The following MUC5AC variants were observed in gnomAD, a reference collection of about 807,000 sequenced individuals.
MUC5AC encodes mucin-5AC.
MUC5AC carries 158 observed loss-of-function variants against 169.7 expected under a neutral mutation model. The observed-to-expected ratio is 0.93, with a 90% confidence interval of 0.82 to 1.06. MUC5AC has a LOEUF of 1.06. Among genes scored for constraint, MUC5AC ranks in the 50% least tolerant of loss-of-function variants. The pLI, the probability that MUC5AC is intolerant of heterozygous loss-of-function variation, is 0.00. For synonymous variants in MUC5AC, 1,975 were observed against 1,237.0 expected (o/e 1.60, Z -12.52); for missense variants, 4,359 against 3,089.9 (o/e 1.41, Z -9.74).
intron 21 of MUC5AC, 52 bp downstream of exon 21, chr11:1,176,717 G>A: frequency 2.5e-6 from 1 of 398,596 alleles, no homozygotes; most frequent in Non-Finnish European, 4.4e-6. Flanking sequence ...GGAAACCAGA[G>A]GCCCTCCTTA....
intron 15 of MUC5AC, among the ~76,000 whole-genome samples, chr11:1,170,992 TCACTCACC>T: frequency 1.8e-5 from 1 of 56,726 alleles, no homozygotes; most frequent in African/African-American, 1.1e-4. Context: ...ACTCACCTAC[TCACTCACC>T]CACTCACCCA....
At chr11:1,177,414 G>T in intron 23 of MUC5AC, 40 bp from the exon 24 acceptor site, 1 of 402,242 alleles carries the variant, frequency 2.5e-6, no homozygotes, top group East Asian at 3.5e-5. Context: ...GGTGGGCTGG[G>T]GTTCTTGCTG....
rs1132435 is a variant in MUC5AC at position 1,199,697 on chromosome 11, C to G, written c.16518C>G (p.Asp5506Glu). Residue 5506 changes from aspartate (D) to glutamate (E), a missense_variant and splice_region_variant, in exon 47 of 49, where the codon GAC becomes GAG. Transcript: ENST00000621226. ...AGGGCGCCCCTCTGTCGGCACAGGACGAGGCCCGCATGAGCAAGGACGGCT... is the reference window on the plus strand; with the variant it reads ...AGGGCGCCCCTCTGTCGGCACAGGAGGAGGCCCGCATGAGCAAGGACGGCT... ...KACPPLSCSL[D>E]EARMSKDGCC... 4 of 708,350 alleles carry G rather than the reference C, an allele frequency of 5.6e-6. No homozygotes were observed. The African/African-American group carries it at 6.9e-5, about 12-fold the overall frequency. 43.9% of individuals were successfully genotyped at this position (708,350 alleles called of 1,614,324 possible). A position where few individuals can be genotyped will look rare whatever the true frequency, so the allele number is the denominator to read the frequency against.
In MUC5AC at chr11:1,185,821, C is replaced by T. The variant is rs1860928708; in HGVS notation, c.7676C>T (p.Ala2559Val). ...TSAPISSTTSATTTSTTSGPG... is the reference protein window; with the variant it reads ...TSAPISSTTSVTTTSTTSGPG... ...GCCCCTATAAGCAGCACAACCTCTG[C>T]CACTACAACCAGCACAACCTCTGGT... The change falls in exon 31 of 49, where the codon GCC becomes GTC. Residue 2559 changes from alanine to valine, a missense_variant. By Grantham distance (64) the Ala-to-Val change is moderately conservative (BLOSUM62 0). Transcript: ENST00000621226. 1 of 746,914 alleles carries T rather than the reference C, an allele frequency of 1.3e-6. No individual in the cohort carries two copies. Among genetic ancestry groups the T allele is most frequent in the African/African-American group, 1.7e-5 (1 of 58,152 alleles). 46.3% of individuals were successfully genotyped at this position (746,914 alleles called of 1,614,324 possible).
Position 1,168,977 on chromosome 11 carries a change from C to T in MUC5AC, c.1821C>T (p.Pro607=), listed in dbSNP as rs372571340. ...CCTTCAAGACCCAGGCCGCCTGCCCCAACATCAGGAACAGCTTCGAGGACC... is the reference window on the plus strand; with the variant it reads ...CCTTCAAGACCCAGGCCGCCTGCCCTAACATCAGGAACAGCTTCGAGGACC... ...FNTFKTQAAC[P]NIRNSFEDPC... Residue 607 remains proline (P), a synonymous_variant, in exon 15 of 49, where the codon CCC becomes CCT. Transcript: ENST00000621226. 2.7e-5 allele frequency: 44 copies of T among 1,610,348 alleles called. No homozygotes were observed. Among genetic ancestry groups the T allele is most frequent in the Non-Finnish European group, 3.5e-5 (41 of 1,178,662 alleles).
In MUC5AC at chr11:1,185,204, C is replaced by T. The variant is rs1466414203; in HGVS notation, c.7059C>T (p.Thr2353=). ...GAACTACTCCCAGCCCTGTTCCTAC[C>T]ACCAGCATAACCTCTGCCCCTACAA... ...GPGTTPSPVP[T]TSITSAPTTS... The change falls in exon 31 of 49, where the codon ACC becomes ACT. Residue 2353 remains threonine (T), a synonymous_variant. Transcript: ENST00000621226. 1.1e-4 allele frequency: 80 copies of T among 727,916 alleles called. No individual in the cohort carries two copies. Among genetic ancestry groups the T allele is most frequent in the African/African-American group, 1.1e-3 (60 of 56,100 alleles). 45.1% of individuals were successfully genotyped at this position (727,916 alleles called of 1,614,324 possible). A position where few individuals can be genotyped will look rare whatever the true frequency, so the allele number is the denominator to read the frequency against.
Position 1,164,130 on chromosome 11 carries a change from G to T in MUC5AC, c.814G>T (p.Gly272Cys), listed in dbSNP as rs759901532. ...GGGCATCTGTGAGGAGCTCCTGCAC[G>T]GCCAGCTGTTCTCTGGCTGCGTGGC... ...GFGICEELLH[G>C]QLFSGCVALV... The change falls in exon 8 of 49, where the codon GGC becomes TGC. Residue 272 changes from glycine (G) to cysteine (C), a missense_variant. Coordinates refer to ENST00000621226, the MANE Select transcript of MUC5AC (RefSeq NM_001304359.2). 1.9e-6 allele frequency: 3 copies of T among 1,612,156 alleles called. No homozygotes were observed. The highest frequency in any genetic ancestry group is 2.5e-6 in the Non-Finnish European group (3 of 1,179,850).
rs1860755647 is a variant in MUC5AC at position 1,179,256 on chromosome 11, C to T, written c.3484+8C>T. The T allele has an allele frequency of 5.4e-6, 3 of 554,082 alleles. No individual in the cohort carries two copies. The highest frequency in any genetic ancestry group is 2.3e-5 in the South Asian group (1 of 43,426). The allele number at this position is 554,082 out of a possible 1,614,324, so 34.3% of individuals were successfully genotyped here. On this transcript the variant is annotated splice_region_variant and intron_variant, in intron 26 of 48. Coordinates refer to ENST00000621226, the MANE Select transcript of MUC5AC (RefSeq NM_001304359.2). ...GGACCCCGAGCATCTGCCGTGAGTG[C>T]GAGTGGGCACCTGGGGAAGAACAGG...
Position 1,179,210 on chromosome 11 carries a change from T to G in MUC5AC, c.3446T>G (p.Val1149Gly). The G allele has an allele frequency of 1.5e-6, 1 of 664,518 alleles. No homozygotes were observed. Among genetic ancestry groups the G allele is most frequent in the Non-Finnish European group, 2.7e-6 (1 of 365,900 alleles). The allele number at this position is 664,518 out of a possible 1,614,324, so 41.2% of individuals were successfully genotyped here. A position where few individuals can be genotyped will look rare whatever the true frequency, so the allele number is the denominator to read the frequency against. ...GCCTACGCCCAGGCCTGCCATGAAG[T>G]AGGCCTGTGTGTGTCCTGGCGGACC... ...VAAYAQACHE[V>G]GLCVSWRTPS... is the part of the protein sequence containing the mutation. Residue 1149 changes from valine to glycine, a missense_variant, in exon 26 of 49, where the codon GTA becomes GGA. Coordinates refer to ENST00000621226, the MANE Select transcript of MUC5AC (RefSeq NM_001304359.2).
chr11:1,196,256 G>A (rs762851856), intron 37 of MUC5AC, 132 bp from the exon 38 acceptor site: 5 of 669,394 alleles, frequency 7.5e-6, no homozygotes, highest in African/African-American at 1.8e-5. Context: ...CTGGGGTGTG[G>A]GAGGCCGTAG....
Position 1,172,481 on chromosome 11 carries a change from C to G in MUC5AC, c.1923C>G (p.Phe641Leu). Residue 641 changes from phenylalanine (F) to leucine (L), a missense_variant, in exon 16 of 49, where the codon TTC (phenylalanine) becomes TTG (leucine). Physicochemically the swap from Phe to Leu is conservative, Grantham distance 22. Coordinates refer to ENST00000621226, the MANE Select transcript of MUC5AC (RefSeq NM_001304359.2). ...CSQLTDADGP[F>L]GRCHAAVKPG... ...AGCTGACCGATGCCGACGGCCCCTTCGGCCGGTGCCATGCTGCCGTGAAGC... is the reference window on the plus strand; with the variant it reads ...AGCTGACCGATGCCGACGGCCCCTTGGGCCGGTGCCATGCTGCCGTGAAGC... 1 of 398,708 alleles carries G rather than the reference C, an allele frequency of 2.5e-6. No homozygotes were observed. Among genetic ancestry groups the G allele is most frequent in the East Asian group, 3.6e-5 (1 of 28,080 alleles). 24.7% of individuals were successfully genotyped at this position (398,708 alleles called of 1,614,324 possible).
intron 5 of MUC5AC, 62 bp from the exon 6 acceptor site, chr11:1,162,893 C>T (rs1860186446): frequency 2.0e-6 from 3 of 1,501,750 alleles, no homozygotes; most frequent in Non-Finnish European, 2.8e-6. Flanking sequence ...ATCTCAGGCT[C>T]GAGCCTCATC....
Position 1,168,792 on chromosome 11 carries a change from C to T in MUC5AC, c.1705+13C>T, listed in dbSNP as rs1479777641. The T allele has an allele frequency of 1.3e-6, 2 of 1,589,824 alleles. No homozygotes were observed. The highest frequency in any genetic ancestry group is 3.4e-5 in the Admixed American group (2 of 58,784). ...GGGCAGACCTGCGGTAAGAGGGCTG[C>T]CTTCTGGGCTTGGAGCCCACCCACT... On this transcript the variant is annotated intron_variant, in intron 14 of 48. Transcript: ENST00000621226.
chr11:1,182,036 G>A (rs1860826352), intron 30 of MUC5AC, 119 bp from the exon 31 acceptor site: 1 of 398,266 alleles, frequency 2.5e-6, no homozygotes, highest in Non-Finnish European at 4.4e-6. Flanking sequence ...GACCGCGGGT[G>A]GGGACAGGAA....
Position 1,195,187 on chromosome 11 carries a change from C to T in MUC5AC, c.15366C>T (p.Val5122=), listed in dbSNP as rs762804713. ...CCACCACAGTTGGGTCTACCACGGT[C>T]GGGCCCACCACAGTTGGGTCTACCA... is the stretch of plus-strand genomic sequence containing the variant. ...VGPTTVGSTT[V]GPTTVGSTTV... is the part of the protein sequence containing the mutation. The change falls in exon 36 of 49, where the codon GTC becomes GTT. Residue 5122 remains valine, a synonymous_variant. Coordinates refer to ENST00000621226, the MANE Select transcript of MUC5AC (RefSeq NM_001304359.2). 9.2e-6 allele frequency: 7 copies of T among 764,602 alleles called. No individual in the cohort carries two copies. The highest frequency in any genetic ancestry group is 1.7e-5 in the Admixed American group (1 of 58,996). The allele number at this position is 764,602 out of a possible 1,614,324, so 47.4% of individuals were successfully genotyped here. A position where few individuals can be genotyped will look rare whatever the true frequency, so the allele number is the denominator to read the frequency against.
At position 1,192,085 on chromosome 11, in the gene MUC5AC, A is replaced by G; in HGVS notation, c.13940A>G (p.His4647Arg). Reference protein sequence around the residue: ...FDVDFPSPGPHGGDKETYNNI... With the variant: ...FDVDFPSPGPRGGDKETYNNI... ...GTGGACTTCCCATCCCCTGGACCCC[A>G]CGGCGGGGACAAGGAAACCTACAAC... The change falls in exon 31 of 49, where the codon CAC becomes CGC. Residue 4647 changes from histidine to arginine, a missense_variant. By Grantham distance (29) the His-to-Arg change is conservative. Coordinates refer to ENST00000621226, the MANE Select transcript of MUC5AC (RefSeq NM_001304359.2). 2.6e-6 allele frequency: 2 copies of G among 765,056 alleles called. No individual in the cohort carries two copies. Among genetic ancestry groups the G allele is most frequent in the Non-Finnish European group, 4.8e-6 (2 of 417,872 alleles). 47.4% of individuals were successfully genotyped at this position (765,056 alleles called of 1,614,324 possible). A position where few individuals can be genotyped will look rare whatever the true frequency, so the allele number is the denominator to read the frequency against.
chr11:1,187,151 C>G lies in MUC5AC; in HGVS notation c.9006C>G (p.Thr3002=). The change falls in exon 31 of 49, where the codon ACC becomes ACG. Residue 3002 remains threonine, a synonymous_variant. Coordinates refer to ENST00000621226, the MANE Select transcript of MUC5AC (RefSeq NM_001304359.2). ...PTTSTTSAPT[T]STISAPTTST... is the part of the protein sequence containing the mutation. ...CAAGCACAACCTCTGCCCCTACAAC[C>G]AGCACAATCTCGGCCCCAACAACCA... 1 of 710,234 alleles carries G rather than the reference C, an allele frequency of 1.4e-6. No homozygotes were observed. The highest frequency in any genetic ancestry group is 2.6e-6 in the Non-Finnish European group (1 of 390,460). The allele number at this position is 710,234 out of a possible 1,614,324, so 44.0% of individuals were successfully genotyped here.
At chr11:1,175,773 C>T (rs1213614540) in intron 19 of MUC5AC, among the ~76,000 whole-genome samples, 1 of 143,564 alleles carries the variant, frequency 7.0e-6, no homozygotes, top group Non-Finnish European at 1.5e-5. Context: ...CACACGCTCA[C>T]ACACCCACAT....
chr11:1,190,579 C>G lies in MUC5AC; in HGVS notation c.12434C>G (p.Thr4145Arg), dbSNP rs1473279438. The change falls in exon 31 of 49, where the codon ACG becomes AGG. Residue 4145 changes from threonine (T) to arginine (R), a missense_variant. Thr to Arg is a moderately conservative substitution (Grantham distance 71, BLOSUM62 -1). Coordinates refer to ENST00000621226, the MANE Select transcript of MUC5AC (RefSeq NM_001304359.2). ...TSTTSAPTHR[T>R]TSGPTTSTTL... is the part of the protein sequence containing the mutation. ...ACGACCTCAGCTCCTACACACAGAACGACTTCTGGTCCTACAACCAGCACA... is the reference window on the plus strand; with the variant it reads ...ACGACCTCAGCTCCTACACACAGAAGGACTTCTGGTCCTACAACCAGCACA... The G allele has an allele frequency of 1.4e-6, 1 of 695,992 alleles. No individual in the cohort carries two copies. The highest frequency in any genetic ancestry group is 1.8e-5 in the African/African-American group (1 of 56,914). The allele number at this position is 695,992 out of a possible 1,614,324, so 43.1% of individuals were successfully genotyped here.
Sources: allele counts gnomAD v4.1 joint callset (sites outside exome capture counted in the v4.1 genomes callset), GRCh38; gene constraint gnomAD v4.1.1; transcripts MANE v1.5; gene names NCBI Gene and HGNC (gene_info 2026-07-23, HGNC 2026-07-21).